ELAVL4: variants seen among roughly 807,000 people sequenced by gnomAD.
ELAVL4 encodes ELAV like RNA binding protein 4, also known as ELAV-like protein 4.
A neutral mutation model predicts 35.6 loss-of-function variants in ELAVL4; 1 was observed. That is an observed-to-expected ratio of 0.03 (90% confidence interval 0.01 to 0.13). The LOEUF (loss-of-function observed/expected upper bound fraction) is 0.13. Ranked by LOEUF, ELAVL4 falls within the 10% of genes least tolerant of loss-of-function variation. The pLI, the probability that ELAVL4 is intolerant of heterozygous loss-of-function variation, is 1.00. For synonymous variants in ELAVL4, 156 were observed against 171.0 expected, an observed-to-expected ratio of 0.91 and a Z score of 0.69; for missense variants, 267 against 464.9, an observed-to-expected ratio of 0.57 and a Z score of 3.91.
At chr1:50,064,028 T>G (rs548756851) in intron 1 of ELAVL4, among the ~76,000 whole-genome samples, 1 of 152,138 alleles carries the variant, frequency 6.6e-6, no homozygotes, top group South Asian at 2.1e-4. Context: ...ATAGAACAAA[T>G]GAGGAATCCC....
chr1:50,159,033 C>A (rs1379628742), intron 2 of ELAVL4, among the ~76,000 whole-genome samples: 1 of 139,520 alleles, frequency 7.2e-6, no homozygotes, highest in Non-Finnish European at 1.5e-5. Flanking sequence ...GAGCAAGACT[C>A]CTTCTCAAAA....
intron 3 of ELAVL4, among the ~76,000 whole-genome samples, chr1:50,181,582 C>T (rs1353772285): frequency 6.6e-6 from 1 of 152,198 alleles, no homozygotes; most frequent in South Asian, 2.1e-4. Flanking sequence ...AGTGTTTCAG[C>T]CCTGAGCCCA....
upstream of ELAVL4, chr1:50,105,712 A>G (rs1484406045): frequency 2.0e-5 from 3 of 152,710 alleles, no homozygotes; most frequent in Non-Finnish European, 4.4e-5. Context: ...AGCAGTACAT[A>G]TAACAGGAGT....
In ELAVL4 at chr1:50,138,900, G is replaced by T. The variant is rs543364934; in HGVS notation, c.10-6057G>T. On this transcript the variant is annotated intron_variant, in intron 1 of 6. Coordinates refer to ENST00000371824, the MANE Select transcript of ELAVL4 (RefSeq NM_001144774.3). ...GAGTTTCAGACTTACAAGATGACAA[G>T]AATTCTGCTGGTGGCTGCAAAGCAA... Among the ~76,000 whole-genome samples, 12 of 152,318 alleles carry T rather than the reference G, an allele frequency of 7.9e-5. No individual in the cohort carries two copies. In the East Asian group the frequency reaches 2.3e-3, roughly 29 times the overall value.
chr1:50,111,500 A>G (rs1307094706), intron 1 of ELAVL4, among the ~76,000 whole-genome samples: 1 of 152,138 alleles, frequency 6.6e-6, no homozygotes, highest in Non-Finnish European at 1.5e-5. Flanking sequence ...TATTTTTACT[A>G]AATCGGATGT....
chr1:50,124,576 A>G (rs1296591725), intron 1 of ELAVL4, among the ~76,000 whole-genome samples: 1 of 152,080 alleles, frequency 6.6e-6, no homozygotes, highest in Non-Finnish European at 1.5e-5. Context: ...TATCTTACTC[A>G]TCCCTTAAAA....
At chr1:50,110,396 G>T (rs1034434147) in intron 1 of ELAVL4, among the ~76,000 whole-genome samples, 7 of 152,172 alleles carry the variant, frequency 4.6e-5, no homozygotes, top group African/African-American at 1.7e-4. Flanking sequence ...GGTGGAGGAG[G>T]TGAGATTCAG....
chr1:50,187,964 G>A (rs976522845), intron 3 of ELAVL4, among the ~76,000 whole-genome samples: 3 of 152,012 alleles, frequency 2.0e-5, no homozygotes, highest in East Asian at 1.9e-4. Context: ...GCATGGTGGC[G>A]CATGCCTGTA....
chr1:50,165,924 G>A (rs898809517), intron 2 of ELAVL4, among the ~76,000 whole-genome samples: 29 of 151,998 alleles, frequency 1.9e-4, no homozygotes, highest in African/African-American at 6.8e-4. Context: ...AGCAAGGAGA[G>A]CCAGTTCGAG....
At chr1:50,171,032 GCAAA>G in intron 2 of ELAVL4, among the ~76,000 whole-genome samples, 1 of 152,178 alleles carries the variant, frequency 6.6e-6, no homozygotes, top group East Asian at 1.9e-4. Flanking sequence ...GACAAAACAA[GCAAA>G]CAAACAAAAA....
intron 1 of ELAVL4, chr1:50,110,109 G>A (rs752152713): frequency 8.5e-6 from 9 of 1,061,450 alleles, no homozygotes; most frequent in Admixed American, 2.2e-5. Context: ...ATGTATGTGT[G>A]TGTTTATTAG....
intron 2 of ELAVL4, among the ~76,000 whole-genome samples, chr1:50,147,739 T>G (rs1360425234): frequency 6.6e-6 from 1 of 152,150 alleles, no homozygotes; most frequent in Non-Finnish European, 1.5e-5. Flanking sequence ...TGCATCTCGA[T>G]CCTGTGAAGT....
At chr1:50,172,228 C>T (rs1329796909) in intron 2 of ELAVL4, among the ~76,000 whole-genome samples, 3 of 152,174 alleles carry the variant, frequency 2.0e-5, no homozygotes, top group Non-Finnish European at 1.5e-5. Flanking sequence ...CAAGGAAAAG[C>T]TACGTCTATC....
Position 50,063,498 on chromosome 1 carries a change from AC to A in ELAVL4, c.18+15317del, listed in dbSNP as rs565206458. The stretch of plus-strand genomic sequence containing the variant: ...TGGTTTTTTAGCTTCCTCTATGGCC[AC>A]TGTCTCCAGATCTCTGTTCCTATAT... On this transcript the variant is annotated intron_variant, in intron 1 of 6. Coordinates refer to the ELAVL4 transcript ENST00000448907. Among the ~76,000 whole-genome samples, 194 of 152,242 alleles carry A rather than the reference AC, an allele frequency of 1.3e-3. 2 individuals carry two copies. The Middle Eastern group carries it at 0.017, about 13-fold the overall frequency.
At chr1:50,181,738 C>T (rs1013982823) in intron 3 of ELAVL4, among the ~76,000 whole-genome samples, 1 of 152,136 alleles carries the variant, frequency 6.6e-6, no homozygotes, top group Non-Finnish European at 1.5e-5. Flanking sequence ...GGCTGGAACG[C>T]AATGGTGCGA....
At chr1:50,070,085 T>G (rs2148486068) in intron 1 of ELAVL4, among the ~76,000 whole-genome samples, 1 of 152,354 alleles carries the variant, frequency 6.6e-6, no homozygotes, top group South Asian at 2.1e-4. Context: ...TTGCCACTCC[T>G]GGATTTGCCA....
chr1:50,092,955 C>T (rs563969960), intron 1 of ELAVL4, among the ~76,000 whole-genome samples: 19 of 152,270 alleles, frequency 1.2e-4, no homozygotes, highest in African/African-American at 4.3e-4. Context: ...AAATAGGGAA[C>T]CATTAATTCT....
intron 2 of ELAVL4, among the ~76,000 whole-genome samples, chr1:50,167,250 G>A (rs1678099944): frequency 6.6e-6 from 1 of 152,160 alleles, no homozygotes; most frequent in Non-Finnish European, 1.5e-5. Flanking sequence ...GGATGATGGG[G>A]AACATGGTAA....
chr1:50,108,916 C>T (rs1053710327), upstream of ELAVL4: 4 of 1,102,954 alleles, frequency 3.6e-6, no homozygotes, highest in Admixed American at 5.1e-5. Context: ...AAAGGGGAAG[C>T]TTCGAGCCAA....
Sources: allele counts gnomAD v4.1 joint callset (sites outside exome capture counted in the v4.1 genomes callset), GRCh38; gene constraint gnomAD v4.1.1; transcripts MANE v1.5; gene names NCBI Gene and HGNC (gene_info 2026-07-23, HGNC 2026-07-21).